The following LRMDA variants were observed in gnomAD, a reference collection of about 807,000 sequenced individuals.
LRMDA encodes the protein leucine-rich melanocyte differentiation-associated protein.
LRMDA carries 18 observed loss-of-function variants against 29.8 expected under a neutral mutation model. The observed-to-expected ratio is 0.60, with a 90% CI of 0.42 to 0.90. The LOEUF (loss-of-function observed/expected upper bound fraction) is 0.90. Among genes scored for constraint, LRMDA ranks in the 40% least tolerant of loss-of-function variants. The pLI is 0.00. For synonymous variants in LRMDA, 125 were observed against 109.4 expected (o/e 1.14, Z -0.89); for missense variants, 273 against 273.9 (o/e 1.00, Z 0.02).
At chr10:75,796,383 G>T (rs1207563075) in intron 2 of LRMDA, among the ~76,000 whole-genome samples, 1 of 151,972 alleles carries the variant, frequency 6.6e-6, no homozygotes, top group Non-Finnish European at 1.5e-5. Flanking sequence ...ATCATGAATG[G>T]GTATTGACTT....
At chr10:76,204,747 T>C (rs1257646842) in intron 5 of LRMDA, among the ~76,000 whole-genome samples, 1 of 152,230 alleles carries the variant, frequency 6.6e-6, no homozygotes, top group Non-Finnish European at 1.5e-5. Flanking sequence ...AAGGTCCCAA[T>C]CTAGGGCTTA....
chr10:75,826,203 C>T (rs940678719), intron 2 of LRMDA, among the ~76,000 whole-genome samples: 1 of 152,158 alleles, frequency 6.6e-6, no homozygotes, highest in Non-Finnish European at 1.5e-5. Context: ...TCGTAGGAGA[C>T]GTTTTGGTAT....
At chr10:76,014,559 T>C (rs949840675) in intron 2 of LRMDA, among the ~76,000 whole-genome samples, 6 of 152,192 alleles carry the variant, frequency 3.9e-5, no homozygotes, top group African/African-American at 1.4e-4. Flanking sequence ...ATCCCATTTC[T>C]TCCAGAAGCC....
At chr10:76,527,049 CAAAAAAA>C (rs34187065) in intron 6 of LRMDA, among the ~76,000 whole-genome samples, 17 of 105,520 alleles carry the variant, frequency 1.6e-4, no homozygotes, top group African/African-American at 5.1e-4. Flanking sequence ...TCAGGTCTGA[CAAAAAAA>C]AAAAAAAAAA....
intron 2 of LRMDA, among the ~76,000 whole-genome samples, chr10:75,612,278 G>A (rs923749594): frequency 3.9e-5 from 6 of 152,176 alleles, no homozygotes; most frequent in Admixed American, 2.6e-4. Flanking sequence ...GCTCTGAACC[G>A]TGCTGGGCCC....
intron 5 of LRMDA, among the ~76,000 whole-genome samples, chr10:76,112,512 G>A (rs1346052169): frequency 6.6e-6 from 1 of 152,236 alleles, no homozygotes; most frequent in Non-Finnish European, 1.5e-5. Context: ...GCTTCCACGC[G>A]GAGCCTCAGC....
intron 5 of LRMDA, chr10:76,318,531 C>T (rs1840728829): frequency 6.6e-6 from 1 of 152,580 alleles, no homozygotes; most frequent in African/African-American, 2.4e-5. Context: ...CAGCTTCATG[C>T]TCAGCATTTG....
chr10:76,021,560 A>C (rs1306619362), intron 2 of LRMDA, among the ~76,000 whole-genome samples: 1 of 152,208 alleles, frequency 6.6e-6, no homozygotes, highest in Admixed American at 6.5e-5. Flanking sequence ...TGTCCTCTGC[A>C]ACATGAGGAA....
At chr10:76,233,279 G>A (rs923531146) in intron 5 of LRMDA, among the ~76,000 whole-genome samples, 2 of 152,200 alleles carry the variant, frequency 1.3e-5, no homozygotes, top group African/African-American at 4.8e-5. Context: ...TGAGGTGTAT[G>A]ATAACATTAT....
chr10:75,835,591 C>T (rs1844420208), intron 2 of LRMDA, among the ~76,000 whole-genome samples: 1 of 152,128 alleles, frequency 6.6e-6, no homozygotes, highest in South Asian at 2.1e-4. Context: ...ATAGACAGCA[C>T]GTAGTAGTGG....
At chr10:76,120,349 G>A (rs112421462) in intron 5 of LRMDA, among the ~76,000 whole-genome samples, 2,026 of 151,814 alleles carry the variant, frequency 0.013, 47 homozygotes, top group African/African-American at 0.046. Context: ...CCACCACACC[G>A]GGATAATTTT....
intron 2 of LRMDA, among the ~76,000 whole-genome samples, chr10:76,013,514 G>C (rs1044294996): frequency 2.0e-5 from 3 of 152,010 alleles, no homozygotes; most frequent in African/African-American, 7.3e-5. Flanking sequence ...AGGATAAAAG[G>C]GTCTGTGGGT....
chr10:75,939,335 A>G (rs1202436139), intron 2 of LRMDA, among the ~76,000 whole-genome samples: 1 of 152,056 alleles, frequency 6.6e-6, no homozygotes, highest in Non-Finnish European at 1.5e-5. Context: ...CACATACCCC[A>G]CAAGCATTTG....
intron 6 of LRMDA, among the ~76,000 whole-genome samples, chr10:76,520,648 T>TA (rs977369570): frequency 2.6e-5 from 4 of 152,196 alleles, no homozygotes; most frequent in Admixed American, 6.5e-5. Context: ...ACCAAAGTTT[T>TA]AAAAAATTAT....
At chr10:75,662,419 C>T (rs1841766069) in intron 2 of LRMDA, among the ~76,000 whole-genome samples, 1 of 152,052 alleles carries the variant, frequency 6.6e-6, no homozygotes, top group African/African-American at 2.4e-5. Flanking sequence ...ACCTCCACTG[C>T]CTTCCATTTC....
intron 6 of LRMDA, among the ~76,000 whole-genome samples, chr10:76,459,055 T>C (rs950223432): frequency 1.3e-5 from 2 of 152,110 alleles, no homozygotes; most frequent in African/African-American, 2.4e-5. Context: ...TTTTGGTAAA[T>C]AGATTCAGAT....
chr10:75,837,663 C>T (rs1844464009), intron 2 of LRMDA, among the ~76,000 whole-genome samples: 1 of 152,082 alleles, frequency 6.6e-6, no homozygotes, highest in African/African-American at 2.4e-5. Flanking sequence ...GATGGATACC[C>T]CGTCTACCCT....
rs755659949 is a variant in LRMDA at position 75,685,566 on chromosome 10, T to C, written c.131+247072T>C. ...ATCCATCTATCTTCTCATGTGGTCATTGAGAGCTTGTCGACTTCCAGACAC... is the reference window on the plus strand; with the variant it reads ...ATCCATCTATCTTCTCATGTGGTCACTGAGAGCTTGTCGACTTCCAGACAC... On this transcript the variant is annotated intron_variant, in intron 2 of 6. Coordinates refer to ENST00000611255, the MANE Select transcript of LRMDA (RefSeq NM_001305581.2). Among the ~76,000 whole-genome samples, 4 of 152,198 alleles carry C rather than the reference T, an allele frequency of 2.6e-5. No individual in the cohort carries two copies. The East Asian group carries it at 5.8e-4, about 22-fold the overall frequency.
At chr10:75,816,871 A>T (rs1221030980) in intron 2 of LRMDA, among the ~76,000 whole-genome samples, 1 of 152,196 alleles carries the variant, frequency 6.6e-6, no homozygotes, top group East Asian at 1.9e-4. Flanking sequence ...AGTACATTTC[A>T]GCTCTTCTAC....
Sources: allele counts gnomAD v4.1 joint callset (sites outside exome capture counted in the v4.1 genomes callset), GRCh38; gene constraint gnomAD v4.1.1; transcripts MANE v1.5; gene names NCBI Gene and HGNC (gene_info 2026-07-23, HGNC 2026-07-21).